The following STK3 variants were observed in gnomAD, a reference collection of about 807,000 sequenced individuals.
The protein encoded by STK3 is serine/threonine kinase 3.
Under a neutral mutation model 58.0 loss-of-function variants are expected in STK3, and 41 were observed. That is an observed-to-expected ratio of 0.71 (90% CI 0.55 to 0.92). The LOEUF (loss-of-function observed/expected upper bound fraction) is 0.92. Ranked by LOEUF, STK3 falls within the 40% of genes least tolerant of loss-of-function variation. STK3 has a pLI of 0.00. For missense variants in STK3, 479 were observed against 602.7 expected (o/e 0.79, Z 2.15); for synonymous variants, 170 against 191.0 (o/e 0.89, Z 0.91).
chr8:98,438,951 A>C (rs1818595741), intron 1 of STK3: 1 of 152,030 alleles, frequency 6.6e-6, no homozygotes, highest in Non-Finnish European at 1.5e-5. Flanking sequence ...ACCCGTGGGG[A>C]GAAGGGGATG....
At chr8:98,384,324 C>T (rs947375292) in intron 1 of STK3, among the ~76,000 whole-genome samples, 1 of 152,252 alleles carries the variant, frequency 6.6e-6, no homozygotes, top group Non-Finnish European at 1.5e-5. Context: ...AATAGGGGCT[C>T]TTGAGCTGCT....
chr8:98,735,762 C>A lies in STK3; in HGVS notation c.351+13514G>T, dbSNP rs143775216. On this transcript the variant is annotated intron_variant, in intron 4 of 10. Coordinates refer to ENST00000419617, the MANE Select transcript of STK3 (RefSeq NM_006281.4). ...GAGTAAGAATCAGCACTTAAATAGA[C>A]AAAATCTCTACCCTTTACAACTCAG... Among the ~76,000 whole-genome samples, 178 of 152,236 alleles carry A rather than the reference C, an allele frequency of 1.2e-3. 1 individual carries two copies. The highest frequency in any genetic ancestry group is 8.8e-4 in the Non-Finnish European group (60 of 67,974).
intron 3 of STK3, among the ~76,000 whole-genome samples, chr8:98,402,722 G>T (rs1289813458): frequency 6.6e-6 from 1 of 152,182 alleles, no homozygotes; most frequent in East Asian, 1.9e-4. Context: ...GACATGCCTT[G>T]GGAACAGTCT....
At chr8:98,776,171 T>C (rs1358793766) in intron 1 of STK3, among the ~76,000 whole-genome samples, 1 of 151,964 alleles carries the variant, frequency 6.6e-6, no homozygotes, top group African/African-American at 2.4e-5. Context: ...AAGAATGCCA[T>C]GGACAGAGTA....
intron 1 of STK3, among the ~76,000 whole-genome samples, chr8:98,776,299 G>A (rs1831673570): frequency 6.6e-6 from 1 of 151,810 alleles, no homozygotes; most frequent in Non-Finnish European, 1.5e-5. Context: ...CATCTTTTCT[G>A]ATTGGTTTCA....
chr8:98,590,750 AG>A (rs1401883371), intron 7 of STK3, among the ~76,000 whole-genome samples: 2 of 152,262 alleles, frequency 1.3e-5, no homozygotes, highest in Non-Finnish European at 2.9e-5. Flanking sequence ...TATCTCATGT[AG>A]AAAGCATGGA....
intron 1 of STK3, chr8:98,905,643 G>A (rs1447232381): frequency 7.3e-6 from 6 of 818,598 alleles, no homozygotes; most frequent in Non-Finnish European, 1.1e-5. Flanking sequence ...GCCTCCTGGG[G>A]CAGGTTTCTG....
chr8:98,737,798 C>T (rs1049096855), intron 4 of STK3, among the ~76,000 whole-genome samples: 6 of 152,064 alleles, frequency 3.9e-5, no homozygotes, highest in African/African-American at 1.2e-4. Context: ...ACCTCTGCCC[C>T]GCAGGTTCAA....
chr8:98,452,757 AT>A (rs11329886), downstream of STK3, among the ~76,000 whole-genome samples: 91,185 of 110,548 alleles, frequency 0.82, 36,832 homozygotes, highest in Middle Eastern at 0.89. Context: ...AGACTTGAAG[AT>A]TTTTTTTTTT....
In STK3 at chr8:98,526,768, C is replaced by A; in HGVS notation, c.1291G>T (p.Val431Phe). The A allele has an allele frequency of 6.3e-7, 1 of 1,575,898 alleles. No homozygotes were observed. The change falls in exon 10 of 11, where the codon GTT becomes TTT. Residue 431 changes from valine (V) to phenylalanine (F), a missense_variant. By Grantham distance (50) the Val-to-Phe change is conservative. Around this residue, in one of 3 missense-constraint regions of STK3, gnomAD observed 309 missense variants for 355.7 expected, o/e 0.87. Coordinates refer to ENST00000419617, the MANE Select transcript of STK3 (RefSeq NM_006281.4). The part of the protein sequence containing the change: ...SKNVFPDNWK[V>F]PQDGDFDFLK... ...AAGTCAAAGTCTCCATCTTGAGGAACTTTCCAGTTATCAGGAAAAACGTTT... is the reference window on the plus strand; with the variant it reads ...AAGTCAAAGTCTCCATCTTGAGGAAATTTCCAGTTATCAGGAAAAACGTTT...
intron 3 of STK3, among the ~76,000 whole-genome samples, chr8:98,405,971 G>C (rs1563594043): frequency 6.6e-6 from 1 of 152,096 alleles, no homozygotes; most frequent in Non-Finnish European, 1.5e-5. Flanking sequence ...GATTTCGATG[G>C]GGATGCAGAC....
chr8:98,749,005 T>C (rs1195175101), intron 4 of STK3, among the ~76,000 whole-genome samples: 1 of 151,898 alleles, frequency 6.6e-6, no homozygotes, highest in Admixed American at 6.6e-5. Flanking sequence ...CACACGCTGA[T>C]TCCAAATGAA....
At chr8:98,720,623 C>T (rs1827330830) in intron 4 of STK3, among the ~76,000 whole-genome samples, 1 of 151,936 alleles carries the variant, frequency 6.6e-6, no homozygotes, top group Non-Finnish European at 1.5e-5. Flanking sequence ...TGGTGGCAGG[C>T]ACCAGTAGTC....
At chr8:98,702,224 T>C (rs990925193) in intron 6 of STK3, among the ~76,000 whole-genome samples, 3 of 152,200 alleles carry the variant, frequency 2.0e-5, no homozygotes, top group Admixed American at 6.5e-5. Context: ...ATATTCCAAA[T>C]ATTCCTTATT....
At chr8:98,824,610 C>A (rs1185903202) in intron 1 of STK3, among the ~76,000 whole-genome samples, 6 of 152,194 alleles carry the variant, frequency 3.9e-5, no homozygotes, top group African/African-American at 1.4e-4. Flanking sequence ...CACGACCCCC[C>A]CTTTTTTTCA....
chr8:98,649,615 T>C (rs978881316), intron 6 of STK3, among the ~76,000 whole-genome samples: 7 of 152,238 alleles, frequency 4.6e-5, no homozygotes, highest in African/African-American at 9.6e-5. Context: ...CAACAGACTA[T>C]TGTAATTACA....
At chr8:98,935,666 A>C (rs1840168414) in intron 1 of STK3, among the ~76,000 whole-genome samples, 1 of 152,146 alleles carries the variant, frequency 6.6e-6, no homozygotes, top group South Asian at 2.1e-4. Context: ...CTCTTGGTAA[A>C]AGTCTTACTG....
At chr8:98,391,691 G>A (rs558864923), upstream of STK3, among the ~76,000 whole-genome samples, 81 of 152,268 alleles carry the variant, frequency 5.3e-4, no homozygotes, top group Non-Finnish European at 5.6e-4. Flanking sequence ...GCTCTTGAGC[G>A]TCCTTGCATA....
At chr8:98,693,044 C>T (rs910533437) in intron 6 of STK3, among the ~76,000 whole-genome samples, 17 of 151,992 alleles carry the variant, frequency 1.1e-4, no homozygotes, top group African/African-American at 3.6e-4. Flanking sequence ...GCCCTAAATC[C>T]AATGACAAGT....
Sources: gnomAD v4.1 joint callset for allele counts (sites outside exome capture counted in the v4.1 genomes callset) on GRCh38, gnomAD v4.1.1 for gene constraint, gnomAD v4.1.1 regional missense constraint, MANE v1.5 for transcripts, NCBI Gene and HGNC (gene_info 2026-07-23, HGNC 2026-07-21) for gene names.